Variants in ADAM23 observed in about 807,000 individuals in gnomAD.
The protein encoded by ADAM23 is disintegrin and metalloproteinase domain-containing protein 23.
ADAM23 carries 33 observed loss-of-function variants against 120.1 expected under a neutral mutation model. That is an observed-to-expected ratio of 0.27 (90% confidence interval 0.21 to 0.37). The LOEUF is 0.37. Ranked by LOEUF, ADAM23 falls within the 10% of genes least tolerant of loss-of-function variation. ADAM23 has a pLI of 1.00. For synonymous variants in ADAM23, 367 were observed against 375.2 expected (o/e 0.98, Z 0.25); for missense variants, 862 against 1,058.2 (o/e 0.81, Z 2.57).
At position 206,619,974 on chromosome 2, in the gene ADAM23, G is replaced by C. The variant is rs1699024557; in HGVS notation, c.*2347G>C. The stretch of plus-strand genomic sequence containing the variant: ...CAATGGCTCTTTCAGCTCGGAGGAA[G>C]CTTGGAGGAAACTCAGATTACTTGG... On this transcript the variant is annotated 3_prime_UTR_variant, in exon 26 of 26. Transcript: ENST00000264377. The C allele has an allele frequency of 6.6e-6, 1 of 152,246 alleles. No homozygotes were observed. The highest frequency in any genetic ancestry group is 2.4e-5 in the African/African-American group (1 of 41,460). The allele number at this position is 152,246 out of a possible 1,614,324, so 9.4% of individuals were successfully genotyped here.
At chr2:206,595,000 G>A (rs1698496715) in intron 23 of ADAM23, 95 bp downstream of exon 23, 2 of 1,491,400 alleles carry the variant, frequency 1.3e-6, no homozygotes, top group Non-Finnish European at 1.8e-6. Flanking sequence ...AGCCAACATG[G>A]TGAAACACCA....
chr2:206,471,191 T>C (rs1277305357), intron 2 of ADAM23, among the ~76,000 whole-genome samples: 2 of 152,296 alleles, frequency 1.3e-5, no homozygotes, highest in African/African-American at 2.4e-5. Flanking sequence ...GAATTGGAGG[T>C]TAATATTTGA....
chr2:206,465,201 G>A (rs1695519730), intron 2 of ADAM23, among the ~76,000 whole-genome samples: 1 of 152,022 alleles, frequency 6.6e-6, no homozygotes, highest in Non-Finnish European at 1.5e-5. Context: ...ACCATGCCTG[G>A]CTATTTTTTT....
At chr2:206,458,320 T>C (rs1695342730) in intron 2 of ADAM23, among the ~76,000 whole-genome samples, 1 of 114,352 alleles carries the variant, frequency 8.7e-6, no homozygotes, top group South Asian at 2.8e-4. Context: ...AACTGCTCTT[T>C]CATGAATAAT....
intron 2 of ADAM23, among the ~76,000 whole-genome samples, chr2:206,477,893 A>ATATATATAT (rs1199167461): frequency 1.7e-3 from 170 of 101,104 alleles, no homozygotes; most frequent in Non-Finnish European, 2.2e-3. Flanking sequence ...AAAAAAAAAA[A>ATATATATAT]AAAAATATAT....
intron 3 of ADAM23, among the ~76,000 whole-genome samples, chr2:206,508,238 C>G (rs1696538921): frequency 6.6e-6 from 1 of 152,144 alleles, no homozygotes; most frequent in Admixed American, 6.6e-5. Flanking sequence ...ACCGTGTTAG[C>G]CAGGATGGTC....
intron 3 of ADAM23, among the ~76,000 whole-genome samples, chr2:206,513,448 C>T (rs1696667375): frequency 6.6e-6 from 1 of 152,060 alleles, no homozygotes; most frequent in Non-Finnish European, 1.5e-5. Context: ...AGCATATCTC[C>T]CCTCAATTTT....
intron 3 of ADAM23, among the ~76,000 whole-genome samples, chr2:206,506,535 A>G (rs1051192065): frequency 3.3e-5 from 5 of 152,352 alleles, no homozygotes; most frequent in Non-Finnish European, 7.3e-5. Context: ...CTCACACTAC[A>G]GGCTGTCATG....
At chr2:206,578,741 T>C (rs1380146216) in intron 18 of ADAM23, among the ~76,000 whole-genome samples, 1 of 152,110 alleles carries the variant, frequency 6.6e-6, no homozygotes, top group African/African-American at 2.4e-5. Context: ...TGACGTCTTT[T>C]CCTCGGGGTA....
At chr2:206,473,574 A>ATAATAATAATAATAG (rs1410755842) in intron 2 of ADAM23, among the ~76,000 whole-genome samples, 46 of 144,098 alleles carry the variant, frequency 3.2e-4, no homozygotes, top group Non-Finnish European at 9.0e-5. Flanking sequence ...CATCTCTAAA[A>ATAATAATAATAATAG]TAATAATAAT....
chr2:206,457,641 A>C (rs569203264), intron 2 of ADAM23, among the ~76,000 whole-genome samples: 12 of 152,198 alleles, frequency 7.9e-5, no homozygotes, highest in African/African-American at 2.6e-4. Flanking sequence ...CATTTTTAGA[A>C]TATTTTGCTT....
chr2:206,569,388 A>G (rs74412370), intron 15 of ADAM23, among the ~76,000 whole-genome samples: 5,505 of 152,342 alleles, frequency 0.036, 139 homozygotes, highest in Non-Finnish European at 0.055. Flanking sequence ...TGGTTAATAA[A>G]CAACTATGGA....
intron 2 of ADAM23, among the ~76,000 whole-genome samples, chr2:206,465,386 AATTTAGTATTCAC>A (rs1442740220): frequency 6.6e-6 from 1 of 152,144 alleles, no homozygotes; most frequent in Non-Finnish European, 1.5e-5. Context: ...GAAATTGGCT[AATTTAGTATTCAC>A]TGGAATAGGA....
chr2:206,542,786 T>C (rs1480475462), intron 5 of ADAM23, among the ~76,000 whole-genome samples: 1 of 152,228 alleles, frequency 6.6e-6, no homozygotes, highest in Admixed American at 6.5e-5. Flanking sequence ...TTTATAAGCG[T>C]AAAGATACCA....
At chr2:206,610,650 C>A (rs1202425357) in intron 25 of ADAM23, among the ~76,000 whole-genome samples, 1 of 152,236 alleles carries the variant, frequency 6.6e-6, no homozygotes, top group African/African-American at 2.4e-5. Context: ...TCATAGTGAC[C>A]TTTTAGTTTG....
At position 206,560,044 on chromosome 2, in the gene ADAM23, T is replaced by G; in HGVS notation, c.1095T>G (p.Pro365=). The part of the protein sequence containing the change: ...EKDQIDITTN[P]VQMLHEFSKY... ...ATCAGATTGACATCACCACCAACCC[T>G]GTGCAGATGCTCCATGAGTTCTCAA... The change falls in exon 11 of 26, where the codon CCT becomes CCG. Residue 365 remains proline (P), a synonymous_variant. Coordinates refer to ENST00000264377, the MANE Select transcript of ADAM23 (RefSeq NM_003812.4). 1 of 1,614,166 alleles carries G rather than the reference T, an allele frequency of 6.2e-7. No homozygotes were observed. The highest frequency in any genetic ancestry group is 8.5e-7 in the Non-Finnish European group (1 of 1,180,002).
chr2:206,542,017 T>C, intron 4 of ADAM23, 35 bp from the exon 5 acceptor site: 1 of 1,607,316 alleles, frequency 6.2e-7, no homozygotes. Context: ...TCATAATGCA[T>C]AAAATACAAC....
chr2:206,561,609 T>A (rs1697768664), intron 12 of ADAM23, among the ~76,000 whole-genome samples: 1 of 152,182 alleles, frequency 6.6e-6, no homozygotes. Context: ...TTTCTCCCTA[T>A]GTATATATTT....
rs113613480 is a variant in ADAM23, at chr2:206,456,342, C to T, written c.432+10818C>T. ...GAACAGCATGAGGGAAATCCACCCC[C>T]GAGATCCAATCACCTCCCACCAGGA... On this transcript the variant is annotated intron_variant, in intron 2 of 25. Transcript: ENST00000264377. Among the ~76,000 whole-genome samples the T allele has an allele frequency of 2.4e-3, 363 of 152,130 alleles. No individual in the cohort carries two copies. The Middle Eastern group carries it at 0.041, about 17-fold the overall frequency.
Sources: gnomAD v4.1 joint callset for allele counts (sites outside exome capture counted in the v4.1 genomes callset) on GRCh38, gnomAD v4.1.1 for gene constraint, MANE v1.5 for transcripts, NCBI Gene and HGNC (gene_info 2026-07-23, HGNC 2026-07-21) for gene names.